Variants in RASAL2 observed in about 807,000 individuals in gnomAD.
The protein encoded by RASAL2 is ras GTPase-activating protein nGAP.
RASAL2 carries 58 observed loss-of-function variants against 128.9 expected under a neutral mutation model. The ratio of observed to expected loss-of-function variants is 0.45; its 90% CI spans 0.36 to 0.56. The LOEUF (loss-of-function observed/expected upper bound fraction) is 0.56, where lower values mean the gene tolerates loss of function less well. RASAL2 is among the 20% of genes least tolerant of loss of function. The pLI is 0.00. For synonymous variants in RASAL2, 561 were observed against 580.8 expected (o/e 0.97, Z 0.49); for missense variants, 1,360 against 1,601.6 (o/e 0.85, Z 2.57).
In RASAL2 at chr1:178,347,630, C is replaced by T. The variant is rs1019731603; in HGVS notation, c.458-42470C>T. Among the ~76,000 whole-genome samples, 14 of 152,140 alleles carry T rather than the reference C, an allele frequency of 9.2e-5. 1 individual carries two copies. The highest frequency in any genetic ancestry group is 3.4e-4 in the African/African-American group (14 of 41,502). ...AAATAGGATTACATACCCATCAAAA[C>T]GTCTAAAATGAGAAAAAAGAAAATA... On this transcript the variant is annotated intron_variant, in intron 3 of 17. Transcript: ENST00000367649.
chr1:178,258,026 G>T (rs187622336), intron 1 of RASAL2, among the ~76,000 whole-genome samples: 79 of 152,106 alleles, frequency 5.2e-4, no homozygotes, highest in African/African-American at 1.8e-3. Flanking sequence ...TGGGCCCTGT[G>T]GCTCACACCT....
intron 2 of RASAL2, among the ~76,000 whole-genome samples, chr1:178,299,408 G>C (rs2102267272): frequency 6.6e-6 from 1 of 152,276 alleles, no homozygotes; most frequent in East Asian, 1.9e-4. Context: ...TTTGTTTTCT[G>C]AGCTCCAGGA....
At chr1:178,456,324 T>A (rs900538617) in intron 12 of RASAL2, among the ~76,000 whole-genome samples, 4 of 152,214 alleles carry the variant, frequency 2.6e-5, no homozygotes, top group African/African-American at 9.6e-5. Flanking sequence ...GAAGTTCTTT[T>A]GGTTAGAAGG....
intron 3 of RASAL2, 50 bp from the exon 4 acceptor site, chr1:178,390,050 C>T: frequency 8.1e-7 from 1 of 1,238,196 alleles, no homozygotes; most frequent in Non-Finnish European, 1.2e-6. Flanking sequence ...AGTGGAAGAT[C>T]CTAAATTTGG....
rs549617749 is a variant in RASAL2 at position 178,459,814 on chromosome 1, ATT to A, written c.3252+1274_3252+1275del. On this transcript the variant is annotated intron_variant, in intron 14 of 17. Transcript: ENST00000367649. ...GTTTTTCTACAGTCTTAAATTTTTC[ATT>A]TTTATTTTGTTATATTTCCCAAAAT... Among the ~76,000 whole-genome samples the A allele has an allele frequency of 8.5e-4, 129 of 152,192 alleles. 1 individual carries two copies. Among genetic ancestry groups the A allele is most frequent in the African/African-American group, 2.9e-3 (122 of 41,542 alleles).
chr1:178,282,887 C>G (rs1286893733), intron 1 of RASAL2, among the ~76,000 whole-genome samples: 1 of 152,076 alleles, frequency 6.6e-6, no homozygotes, highest in Non-Finnish European at 1.5e-5. Flanking sequence ...TTGAAAATGA[C>G]AGAGATGTTA....
chr1:178,314,553 A>G (rs896329722), intron 3 of RASAL2, among the ~76,000 whole-genome samples: 5 of 152,086 alleles, frequency 3.3e-5, no homozygotes, highest in East Asian at 1.9e-4. Flanking sequence ...CTAATGTTCT[A>G]TTATTTGGCC....
intron 3 of RASAL2, among the ~76,000 whole-genome samples, chr1:178,309,983 A>G (rs1045427223): frequency 6.6e-6 from 1 of 152,184 alleles, no homozygotes; most frequent in African/African-American, 2.4e-5. Flanking sequence ...GTATCTGAAT[A>G]TGAACATCTT....
At chr1:178,320,073 C>T (rs561701385) in intron 3 of RASAL2, among the ~76,000 whole-genome samples, 61 of 149,494 alleles carry the variant, frequency 4.1e-4, no homozygotes, top group African/African-American at 1.2e-3. Context: ...TCAGTGTGCC[C>T]CTGCTGGGGG....
chr1:178,142,095 T>C (rs1481259553), intron 1 of RASAL2, among the ~76,000 whole-genome samples: 2 of 152,096 alleles, frequency 1.3e-5, no homozygotes, highest in African/African-American at 4.8e-5. Context: ...TCTAGTTACT[T>C]TCCTCAAGGT....
chr1:178,258,251 G>A (rs563239424), intron 1 of RASAL2, among the ~76,000 whole-genome samples: 34 of 140,748 alleles, frequency 2.4e-4, no homozygotes, highest in Admixed American at 6.0e-4. Context: ...CCAAGATCGC[G>A]CCACTGCATT....
At chr1:178,447,588 T>A (rs895508211) in intron 9 of RASAL2, among the ~76,000 whole-genome samples, 3 of 146,434 alleles carry the variant, frequency 2.0e-5, no homozygotes, top group Non-Finnish European at 4.4e-5. Context: ...GGAGAATTGC[T>A]TGAACCAGAG....
At chr1:178,169,701 A>G (rs1010188042) in intron 1 of RASAL2, among the ~76,000 whole-genome samples, 2 of 151,976 alleles carry the variant, frequency 1.3e-5, no homozygotes, top group African/African-American at 2.4e-5. Context: ...CAGAACCCAT[A>G]TGCTGAGTTC....
chr1:178,171,212 A>G (rs182731313), intron 1 of RASAL2, among the ~76,000 whole-genome samples: 79 of 152,100 alleles, frequency 5.2e-4, no homozygotes, highest in African/African-American at 1.8e-3. Flanking sequence ...GGAATGAAAC[A>G]TTAGGCCTTT....
intron 4 of RASAL2, among the ~76,000 whole-genome samples, chr1:178,415,501 G>A (rs372536918): frequency 1.3e-5 from 2 of 151,892 alleles, no homozygotes; most frequent in African/African-American, 4.8e-5. Flanking sequence ...GATCTGTCTT[G>A]GTGAATGTTC....
chr1:178,192,587 A>C (rs937597111), intron 1 of RASAL2, among the ~76,000 whole-genome samples: 4 of 152,106 alleles, frequency 2.6e-5, no homozygotes, highest in African/African-American at 9.7e-5. Flanking sequence ...GTGTATATAC[A>C]CACACACATA....
At chr1:178,308,539 C>CTTT (rs576125039) in intron 3 of RASAL2, among the ~76,000 whole-genome samples, 65 of 129,992 alleles carry the variant, frequency 5.0e-4, no homozygotes, top group African/African-American at 1.2e-3. Context: ...CAAACATTAG[C>CTTT]TTTTTTTTTT....
intron 1 of RASAL2, among the ~76,000 whole-genome samples, chr1:178,160,674 G>C (rs1329938837): frequency 6.6e-6 from 1 of 152,020 alleles, no homozygotes; most frequent in Non-Finnish European, 1.5e-5. Context: ...AATATATTGA[G>C]TCCATCTTTA....
intron 1 of RASAL2, among the ~76,000 whole-genome samples, chr1:178,280,428 TAAATG>T (rs1666728989): frequency 6.6e-6 from 1 of 152,106 alleles, no homozygotes; most frequent in Non-Finnish European, 1.5e-5. Flanking sequence ...GTGTTATTGT[TAAATG>T]AATTCATATT....
Sources: gnomAD v4.1 joint callset for allele counts (sites outside exome capture counted in the v4.1 genomes callset) on GRCh38, gnomAD v4.1.1 for gene constraint, MANE v1.5 for transcripts, NCBI Gene and HGNC (gene_info 2026-07-23, HGNC 2026-07-21) for gene names.